Variants in PHF20L1 observed in about 807,000 individuals in gnomAD.
PHF20L1 encodes PHD finger protein 20-like protein 1.
In PHF20L1, 44 loss-of-function variants were observed where a neutral mutation model predicts 125.5. That is an observed-to-expected ratio of 0.35 (90% CI 0.28 to 0.45). PHF20L1 has a LOEUF of 0.45. Ranked by LOEUF, PHF20L1 falls within the 20% of genes least tolerant of loss-of-function variation. The pLI, the probability that PHF20L1 is intolerant of heterozygous loss-of-function variation, is 1.00. For synonymous variants in PHF20L1, 380 were observed against 403.1 expected (o/e 0.94, Z 0.69); for missense variants, 1,012 against 1,217.2 (o/e 0.83, Z 2.51).
intron 2 of PHF20L1, among the ~76,000 whole-genome samples, chr8:132,780,919 A>T (rs1036351753): frequency 1.4e-5 from 2 of 145,312 alleles, no homozygotes; most frequent in Non-Finnish European, 3.0e-5. Flanking sequence ...ATCTTGGCTC[A>T]CTAAAACCTC....
intron 2 of PHF20L1, among the ~76,000 whole-genome samples, chr8:132,790,114 A>G (rs902063165): frequency 2.6e-5 from 4 of 151,872 alleles, no homozygotes; most frequent in African/African-American, 4.9e-5. Flanking sequence ...AAATGACAAA[A>G]CAACAACATT....
At chr8:132,798,589 A>G (rs1193464685) in intron 4 of PHF20L1, among the ~76,000 whole-genome samples, 183 bp from the exon 5 acceptor site, 1 of 152,016 alleles carries the variant, frequency 6.6e-6, no homozygotes, top group Non-Finnish European at 1.5e-5. Flanking sequence ...TAGGGGAAAC[A>G]GGAGTTCAGA....
chr8:132,800,342 T>C (rs1039452095), intron 6 of PHF20L1, among the ~76,000 whole-genome samples: 2 of 151,698 alleles, frequency 1.3e-5, no homozygotes, highest in Non-Finnish European at 3.0e-5. Context: ...CTTTTAATTT[T>C]TCATTTTTTT....
intron 8 of PHF20L1, chr8:132,808,350 A>G (rs1436625064): frequency 6.6e-6 from 1 of 152,144 alleles, no homozygotes; most frequent in Non-Finnish European, 1.5e-5. Flanking sequence ...ATGTAAATCC[A>G]TATGTTATGG....
At chr8:132,794,126 A>G (rs1395901054) in intron 2 of PHF20L1, among the ~76,000 whole-genome samples, 2 of 152,146 alleles carry the variant, frequency 1.3e-5, no homozygotes, top group African/African-American at 2.4e-5. Context: ...AGAAAGTAGG[A>G]ATATGTTTAA....
At chr8:132,775,758 C>T (rs1357196010) in intron 1 of PHF20L1, 113 bp downstream of exon 1, 4 of 261,714 alleles carry the variant, frequency 1.5e-5, no homozygotes, top group Non-Finnish European at 2.9e-5. Flanking sequence ...GCCTCCCTCC[C>T]CGTAACTCGC....
At chr8:132,843,231 CTT>C (rs1838104689) in intron 19 of PHF20L1, 2 of 1,002,906 alleles carry the variant, frequency 2.0e-6, no homozygotes, top group Non-Finnish European at 2.4e-6. Flanking sequence ...TTGTCTTCCT[CTT>C]TATGTGAGTT....
At chr8:132,835,631 T>C (rs559544117) in intron 15 of PHF20L1, among the ~76,000 whole-genome samples, 1 of 152,270 alleles carries the variant, frequency 6.6e-6, no homozygotes, top group East Asian at 1.9e-4. Flanking sequence ...GTTTCTAGGA[T>C]ATGCTTAATC....
At chr8:132,823,208 T>C (rs1230076917) in intron 12 of PHF20L1, among the ~76,000 whole-genome samples, 1 of 152,022 alleles carries the variant, frequency 6.6e-6, no homozygotes, top group East Asian at 1.9e-4. Context: ...ACAGTTTTAT[T>C]TTGGCTATTA....
chr8:132,783,356 C>G (rs1274180514), intron 2 of PHF20L1, among the ~76,000 whole-genome samples: 1 of 152,054 alleles, frequency 6.6e-6, no homozygotes, highest in Admixed American at 6.5e-5. Flanking sequence ...GGAACATTTG[C>G]AAATGTGAGT....
Position 132,845,873 on chromosome 8 carries a change from C to CATT in PHF20L1, c.3004_3005insATT (p.Leu1001_Leu1002insHis), listed in dbSNP as rs1184006982. 1 of 1,612,352 alleles carries CATT rather than the reference C, an allele frequency of 6.2e-7. No individual in the cohort carries two copies. The highest frequency in any genetic ancestry group is 1.1e-5 in the South Asian group (1 of 91,022). Reference sequence around the variant, plus strand: ...ACTTAAACGCCACATAAAACAGCTCCTAATTGACATGGGCAAAGTACAGCA... The same window carrying CATT: ...ACTTAAACGCCACATAAAACAGCTCCATTTAATTGACATGGGCAAAGTACAGCA... On this transcript the variant is annotated inframe_insertion, in exon 21 of 21. Coordinates refer to ENST00000395386, the MANE Select transcript of PHF20L1 (RefSeq NM_016018.5).
chr8:132,811,365 G>A, intron 9 of PHF20L1: 1 of 1,207,276 alleles, frequency 8.3e-7, no homozygotes, highest in Non-Finnish European at 1.0e-6. Context: ...TGAAGGCCTG[G>A]AGACAGGCAT....
In PHF20L1 at chr8:132,804,692, C is replaced by G. The variant is rs1455281746; in HGVS notation, c.799C>G (p.Gln267Glu). 11 of 1,609,758 alleles carry G rather than the reference C, an allele frequency of 6.8e-6. No individual in the cohort carries two copies. Among genetic ancestry groups the G allele is most frequent in the African/African-American group, 1.3e-5 (1 of 74,686 alleles). ...STLSNKRKNN[Q>E]GNSFQAKRAR... ...ATTATCAAACAAGAGGAAAAATAAT[C>G]AAGGCAACTCGTTTCAGGCAAAGAG... The change falls in exon 8 of 21, where the codon CAA (glutamine) becomes GAA (glutamate). Residue 267 changes from glutamine (Q) to glutamate (E), a missense_variant. Physicochemically the swap from Gln to Glu is conservative, Grantham distance 29. Around this residue, in one of 7 missense-constraint regions of PHF20L1, gnomAD observed 134 missense variants for 145.9 expected, o/e 0.92. Coordinates refer to ENST00000395386, the MANE Select transcript of PHF20L1 (RefSeq NM_016018.5).
At chr8:132,843,402 A>G (rs1448365312) in intron 19 of PHF20L1, 3 of 980,612 alleles carry the variant, frequency 3.1e-6, no homozygotes, top group Non-Finnish European at 3.6e-6. Flanking sequence ...ATGTACCTTT[A>G]TTTTTTACTG....
At chr8:132,831,938 A>G (rs985261645) in intron 14 of PHF20L1, among the ~76,000 whole-genome samples, 9 of 152,096 alleles carry the variant, frequency 5.9e-5, no homozygotes, top group Non-Finnish European at 1.3e-4. Context: ...TGTGATTATA[A>G]TGGAGAGAAA....
At chr8:132,775,704 A>C (rs994207454) in intron 1 of PHF20L1, 59 bp downstream of exon 1, 4 of 316,080 alleles carry the variant, frequency 1.3e-5, no homozygotes, top group African/African-American at 8.9e-5. Context: ...GCCGCCCGGG[A>C]CGCCCCCATT....
At chr8:132,819,180 T>G (rs1426346509) in intron 12 of PHF20L1, among the ~76,000 whole-genome samples, 2 of 151,930 alleles carry the variant, frequency 1.3e-5, no homozygotes, top group African/African-American at 4.8e-5. Context: ...ATATTAGCAG[T>G]AACTATTGGA....
chr8:132,839,622 GAC>G, intron 18 of PHF20L1, 40 bp downstream of exon 18: 1 of 1,462,948 alleles, frequency 6.8e-7, no homozygotes, highest in Non-Finnish European at 9.5e-7. Flanking sequence ...CACTTCAGTG[GAC>G]GTTTTAATTC....
At chr8:132,792,637 G>A (rs544931248) in intron 2 of PHF20L1, among the ~76,000 whole-genome samples, 18 of 152,220 alleles carry the variant, frequency 1.2e-4, no homozygotes, top group Admixed American at 3.9e-4. Context: ...TGCTGCTTAC[G>A]CCTGCAAACA....
Sources: allele counts gnomAD v4.1 joint callset (sites outside exome capture counted in the v4.1 genomes callset), GRCh38; gene constraint gnomAD v4.1.1; regional missense constraint gnomAD v4.1.1; transcripts MANE v1.5; gene names NCBI Gene and HGNC (gene_info 2026-07-23, HGNC 2026-07-21).